Variants in ELMO1 observed in about 807,000 individuals in gnomAD.
ELMO1 encodes engulfment and cell motility protein 1.
ELMO1 carries 26 observed loss-of-function variants against 98.9 expected under a neutral mutation model. That is an observed-to-expected ratio of 0.26 (90% CI 0.19 to 0.36). The LOEUF (loss-of-function observed/expected upper bound fraction) is 0.36. Among genes scored for constraint, ELMO1 ranks in the 10% least tolerant of loss-of-function variants. The probability of loss-of-function intolerance (pLI) is 1.00; values close to 1 mark genes in which losing one functional copy is unlikely to be tolerated. For synonymous variants in ELMO1, 346 were observed against 346.0 expected, an observed-to-expected ratio of 1.00 and a Z score of 0.00; for missense variants, 627 against 935.2, an observed-to-expected ratio of 0.67 and a Z score of 4.30.
intron 9 of ELMO1, among the ~76,000 whole-genome samples, chr7:37,224,225 A>G (rs1793746776): frequency 6.6e-6 from 1 of 152,202 alleles, no homozygotes; most frequent in East Asian, 1.9e-4. Flanking sequence ...GCACTGTACA[A>G]TAGAGTCCTT....
intron 13 of ELMO1, chr7:37,204,330 G>A (rs769280529): frequency 1.4e-5 from 6 of 426,510 alleles, no homozygotes; most frequent in South Asian, 3.4e-5. Context: ...TGGTGGGTTC[G>A]TGGTCTCGCT....
chr7:37,440,100 CT>C (rs749163585), intron 1 of ELMO1, among the ~76,000 whole-genome samples: 99 of 152,090 alleles, frequency 6.5e-4, no homozygotes, highest in Non-Finnish European at 1.3e-3. Context: ...GTAGTGGTCA[CT>C]TCCCAGAGTG....
chr7:37,177,951 A>G (rs995183470), intron 13 of ELMO1, among the ~76,000 whole-genome samples: 8 of 152,154 alleles, frequency 5.3e-5, no homozygotes, highest in African/African-American at 1.7e-4. Flanking sequence ...AAGACAGCCA[A>G]TGCATGATTC....
intron 1 of ELMO1, among the ~76,000 whole-genome samples, chr7:37,437,014 C>A (rs758549254): frequency 1.3e-5 from 2 of 152,182 alleles, no homozygotes; most frequent in African/African-American, 2.4e-5. Flanking sequence ...ATGAACATTT[C>A]AACAGTCCCC....
intron 13 of ELMO1, among the ~76,000 whole-genome samples, chr7:37,187,985 T>C (rs534151696): frequency 6.6e-6 from 1 of 152,236 alleles, no homozygotes; most frequent in Non-Finnish European, 1.5e-5. Flanking sequence ...TGTCTAATCA[T>C]TTCTATTACC....
At chr7:36,993,038 A>C (rs2129153859) in intron 16 of ELMO1, among the ~76,000 whole-genome samples, 1 of 152,312 alleles carries the variant, frequency 6.6e-6, no homozygotes, top group East Asian at 1.9e-4. Context: ...CAAGACAGAA[A>C]CCAACAAGGT....
intron 4 of ELMO1, among the ~76,000 whole-genome samples, chr7:37,292,958 A>AGGG (rs1157696474): frequency 8.3e-4 from 42 of 50,422 alleles, no homozygotes; most frequent in South Asian, 2.8e-3. Flanking sequence ...CCCGTCCGGG[A>AGGG]AGTGAGGGGC....
At chr7:37,067,792 A>G (rs912219804) in intron 15 of ELMO1, among the ~76,000 whole-genome samples, 2 of 152,212 alleles carry the variant, frequency 1.3e-5, no homozygotes, top group African/African-American at 4.8e-5. Context: ...AGGTTTAAAA[A>G]AAAAGCTTCT....
chr7:36,861,281 C>T (rs1420218994), intron 21 of ELMO1, among the ~76,000 whole-genome samples: 1 of 152,164 alleles, frequency 6.6e-6, no homozygotes, highest in African/African-American at 2.4e-5. Flanking sequence ...GGTAGAAAAC[C>T]TACTTCCTCA....
chr7:37,052,275 A>C lies in ELMO1; in HGVS notation c.1301-38840T>G, dbSNP rs546706028. On this transcript the variant is annotated intron_variant, in intron 15 of 21. Coordinates refer to ENST00000310758, the MANE Select transcript of ELMO1 (RefSeq NM_014800.11). ...CATCCGATCTCTGCTTTTGTTGTCA[A>C]GTTATTCCTGTTGTCATTTGGTGAC... Among the ~76,000 whole-genome samples, 3 of 152,294 alleles carry C rather than the reference A, an allele frequency of 2.0e-5. No individual in the cohort carries two copies. The East Asian group carries it at 5.8e-4, about 29-fold the overall frequency.
chr7:37,052,598 A>G (rs1796167729), intron 15 of ELMO1, among the ~76,000 whole-genome samples: 1 of 152,208 alleles, frequency 6.6e-6, no homozygotes, highest in African/African-American at 2.4e-5. Context: ...AAGTCAATAT[A>G]GACCTATGAA....
At chr7:36,974,885 G>A (rs899861455) in intron 16 of ELMO1, among the ~76,000 whole-genome samples, 11 of 151,862 alleles carry the variant, frequency 7.2e-5, no homozygotes, top group African/African-American at 2.2e-4. Context: ...CTCCAGAAGC[G>A]CCACCTTAAG....
chr7:37,348,121 A>G (rs890529495), intron 1 of ELMO1, among the ~76,000 whole-genome samples: 1 of 152,146 alleles, frequency 6.6e-6, no homozygotes, highest in Non-Finnish European at 1.5e-5. Flanking sequence ...TGTTGTATGA[A>G]TGCATCCCCT....
intron 19 of ELMO1, among the ~76,000 whole-genome samples, chr7:36,874,396 T>C (rs1803775600): frequency 6.6e-6 from 1 of 152,250 alleles, no homozygotes; most frequent in African/African-American, 2.4e-5. Flanking sequence ...TTCCTTTCTG[T>C]AAAATAAGGA....
At chr7:37,105,829 C>A (rs945664671) in intron 14 of ELMO1, among the ~76,000 whole-genome samples, 2 of 152,092 alleles carry the variant, frequency 1.3e-5, no homozygotes, top group African/African-American at 4.8e-5. Context: ...GAGTCAAAAT[C>A]CATAGAGAGA....
chr7:37,307,265 C>G (rs1414937276), intron 4 of ELMO1, among the ~76,000 whole-genome samples: 1 of 152,180 alleles, frequency 6.6e-6, no homozygotes, highest in African/African-American at 2.4e-5. Context: ...ATAATTCCCA[C>G]GTGCCGATGG....
intron 14 of ELMO1, among the ~76,000 whole-genome samples, chr7:37,121,773 G>A (rs1036888925): frequency 6.6e-6 from 1 of 152,112 alleles, no homozygotes; most frequent in African/African-American, 2.4e-5. Context: ...GAAATACAGA[G>A]AACGCCACAA....
At position 37,117,069 on chromosome 7, in the gene ELMO1, A is replaced by C. The variant is rs117767411; in HGVS notation, c.1191+16061T>G. ...CTTAGCCCTGGACCTGGAGATCACT[A>C]AAGTAGGTCCTGACACTGAGGAAAC... is the stretch of plus-strand genomic sequence containing the variant. On this transcript the variant is annotated intron_variant, in intron 14 of 21. Transcript: ENST00000310758. The C allele has an allele frequency of 3.4e-5, 7 of 204,084 alleles. No individual in the cohort carries two copies. The East Asian group carries it at 7.9e-4, about 23-fold the overall frequency. 12.6% of individuals were successfully genotyped at this position (204,084 alleles called of 1,614,324 possible).
intron 16 of ELMO1, among the ~76,000 whole-genome samples, chr7:36,935,316 G>T (rs1174384479): frequency 6.6e-6 from 1 of 152,116 alleles, no homozygotes; most frequent in Non-Finnish European, 1.5e-5. Context: ...GGAACTGTGA[G>T]TCCATTAAAC....
Sources: allele counts gnomAD v4.1 joint callset (sites outside exome capture counted in the v4.1 genomes callset), GRCh38; gene constraint gnomAD v4.1.1; transcripts MANE v1.5; gene names NCBI Gene and HGNC (gene_info 2026-07-23, HGNC 2026-07-21).